The following STT3B variants were observed in gnomAD, a reference collection of about 807,000 sequenced individuals.
STT3B encodes STT3 oligosaccharyltransferase complex catalytic subunit B, also known as dolichyl-diphosphooligosaccharide--protein glycosyltransferase subunit STT3B.
In STT3B, 29 loss-of-function variants were observed where a neutral mutation model predicts 96.8. The observed-to-expected ratio is 0.30, with a 90% CI of 0.22 to 0.41. The LOEUF is 0.41. Among genes scored for constraint, STT3B ranks in the 10% least tolerant of loss-of-function variants. The probability of loss-of-function intolerance (pLI) is 1.00; values close to 1 mark genes in which losing one functional copy is unlikely to be tolerated. For missense variants in STT3B, 640 were observed against 1,022.3 expected (o/e 0.63, Z 5.10); for synonymous variants, 367 against 360.0 (o/e 1.02, Z -0.22).
At chr3:31,574,981 C>A (rs1698233960) in intron 1 of STT3B, among the ~76,000 whole-genome samples, 1 of 151,900 alleles carries the variant, frequency 6.6e-6, no homozygotes, top group Non-Finnish European at 1.5e-5. Context: ...GCTATTTAGC[C>A]TATCTTTTAT....
At chr3:31,596,709 A>G in intron 3 of STT3B, 89 bp from the exon 4 acceptor site, 1 of 959,570 alleles carries the variant, frequency 1.0e-6, no homozygotes, top group South Asian at 1.4e-5. Context: ...GACTTTTTGT[A>G]GCCTGTGGTT....
chr3:31,590,574 T>G (rs1427631299), intron 3 of STT3B, among the ~76,000 whole-genome samples: 1 of 152,018 alleles, frequency 6.6e-6, no homozygotes, highest in African/African-American at 2.4e-5. Context: ...TTCCAAATAT[T>G]TGGGGTTTTC....
intron 5 of STT3B, among the ~76,000 whole-genome samples, chr3:31,607,399 C>T (rs763237828): frequency 3.3e-5 from 5 of 152,056 alleles, no homozygotes; most frequent in African/African-American, 9.7e-5. Context: ...GGGAGAGACC[C>T]GGTGGGAAAT....
At chr3:31,568,868 AT>A (rs1252413255) in intron 1 of STT3B, among the ~76,000 whole-genome samples, 1 of 152,144 alleles carries the variant, frequency 6.6e-6, no homozygotes, top group Non-Finnish European at 1.5e-5. Context: ...TCCCCTTTTT[AT>A]TTGTAAAAGC....
intron 5 of STT3B, among the ~76,000 whole-genome samples, chr3:31,601,992 C>G (rs986962712): frequency 6.6e-6 from 1 of 152,066 alleles, no homozygotes; most frequent in Non-Finnish European, 1.5e-5. Context: ...GCTGTAGTAG[C>G]TCACACCTCT....
At chr3:31,569,525 T>C (rs1048367880) in intron 1 of STT3B, among the ~76,000 whole-genome samples, 1 of 152,128 alleles carries the variant, frequency 6.6e-6, no homozygotes, top group Non-Finnish European at 1.5e-5. Context: ...TTTATGAAAA[T>C]TTCAAATAAA....
intron 1 of STT3B, among the ~76,000 whole-genome samples, chr3:31,543,647 T>TA (rs1697334987): frequency 6.6e-6 from 1 of 152,226 alleles, no homozygotes; most frequent in African/African-American, 2.4e-5. Flanking sequence ...CCAGTTTCAA[T>TA]ACACATGTCA....
chr3:31,597,099 A>G (rs1698810122), intron 4 of STT3B, among the ~76,000 whole-genome samples: 1 of 152,110 alleles, frequency 6.6e-6, no homozygotes, highest in Non-Finnish European at 1.5e-5. Context: ...CAAGTGTACC[A>G]CTTCAAAATA....
At chr3:31,622,784 C>T (rs1208976743) in intron 10 of STT3B, among the ~76,000 whole-genome samples, 1 of 152,094 alleles carries the variant, frequency 6.6e-6, no homozygotes, top group African/African-American at 2.4e-5. Flanking sequence ...TAAAACCCTC[C>T]AGTTCGTTAG....
chr3:31,556,541 C>T (rs1050776582), intron 1 of STT3B, among the ~76,000 whole-genome samples: 1 of 152,184 alleles, frequency 6.6e-6, no homozygotes, highest in East Asian at 1.9e-4. Flanking sequence ...TCTGTTTTCT[C>T]TGCACCCTTG....
At chr3:31,583,200 G>T (rs916114163) in intron 3 of STT3B, among the ~76,000 whole-genome samples, 3 of 152,026 alleles carry the variant, frequency 2.0e-5, no homozygotes, top group African/African-American at 7.3e-5. Context: ...CCTATATTTT[G>T]ATGGTCTGTT....
intron 5 of STT3B, among the ~76,000 whole-genome samples, chr3:31,609,669 A>T (rs937511848): frequency 3.3e-5 from 5 of 152,078 alleles, no homozygotes; most frequent in African/African-American, 1.2e-4. Context: ...ATCTCGGTTC[A>T]CTGCAACCTC....
At chr3:31,553,561 A>C (rs149626113) in intron 1 of STT3B, among the ~76,000 whole-genome samples, 2 of 152,238 alleles carry the variant, frequency 1.3e-5, no homozygotes, top group Non-Finnish European at 2.9e-5. Context: ...GAACAAACAT[A>C]ATGAATCTAT....
intron 14 of STT3B, among the ~76,000 whole-genome samples, chr3:31,632,574 C>T (rs1340866452): frequency 2.6e-5 from 4 of 151,786 alleles, no homozygotes; most frequent in Non-Finnish European, 5.9e-5. Flanking sequence ...ATAGATAGTG[C>T]AAGGCCCTGA....
intron 1 of STT3B, among the ~76,000 whole-genome samples, chr3:31,536,558 CAA>C (rs1234168459): frequency 1.3e-5 from 2 of 152,158 alleles, no homozygotes; most frequent in African/African-American, 4.8e-5. Flanking sequence ...GTAAAAGACT[CAA>C]GTTAGCTGCT....
At chr3:31,584,722 T>C (rs1486535578) in intron 3 of STT3B, among the ~76,000 whole-genome samples, 1 of 152,118 alleles carries the variant, frequency 6.6e-6, no homozygotes, top group Non-Finnish European at 1.5e-5. Context: ...TTAAATAAAT[T>C]AGGTTTACGG....
At chr3:31,621,542 T>G (rs1699429996) in intron 9 of STT3B, among the ~76,000 whole-genome samples, 1 of 152,170 alleles carries the variant, frequency 6.6e-6, no homozygotes, top group Non-Finnish European at 1.5e-5. Flanking sequence ...ATAGTTAGAG[T>G]CTTTTCCTGT....
In STT3B at chr3:31,600,252, T is replaced by C. The variant is rs1324295720; in HGVS notation, c.778-108T>C. The stretch of plus-strand genomic sequence containing the variant: ...TTCTTATTTAAGCATTTCTCAAAAT[T>C]GCTAAAATCTTAATGTTTATATTTG... On this transcript the variant is annotated intron_variant, in intron 4 of 15. Transcript: ENST00000295770. 38 of 449,478 alleles carry C rather than the reference T, an allele frequency of 8.5e-5. No individual in the cohort carries two copies. In the South Asian group the frequency reaches 1.0e-3, roughly 12 times the overall value. 27.8% of individuals were successfully genotyped at this position (449,478 alleles called of 1,614,324 possible). A position where few individuals can be genotyped will look rare whatever the true frequency, so the allele number is the denominator to read the frequency against.
rs1207610566 is a variant in STT3B at position 31,556,850 on chromosome 3, CTG to C, written c.315-19544_315-19543del. 3.3e-5 allele frequency among the ~76,000 whole-genome samples: 5 copies of C among 152,160 alleles called. No homozygotes were observed. The East Asian group carries it at 5.8e-4, about 18-fold the overall frequency. ...TCTTTCAGTAGGTTGTGTCTTCACT[CTG>C]TTGATTATTTCCTTTGCTGTGCAGA... On this transcript the variant is annotated intron_variant, in intron 1 of 15. Coordinates refer to ENST00000295770, the MANE Select transcript of STT3B (RefSeq NM_178862.3).
Sources: gnomAD v4.1 joint callset for allele counts (sites outside exome capture counted in the v4.1 genomes callset) on GRCh38, gnomAD v4.1.1 for gene constraint, MANE v1.5 for transcripts, NCBI Gene and HGNC (gene_info 2026-07-23, HGNC 2026-07-21) for gene names.